Variants in SLMAP observed in about 807,000 individuals in gnomAD.
The protein encoded by SLMAP is sarcolemma associated protein.
Under a neutral mutation model 128.8 loss-of-function variants are expected in SLMAP, and 44 were observed. The ratio of observed to expected loss-of-function variants is 0.34; its 90% CI spans 0.27 to 0.44. The LOEUF is 0.44. SLMAP is among the 20% of genes least tolerant of loss of function. SLMAP has a pLI of 1.00. For missense variants in SLMAP, 787 were observed against 985.3 expected (o/e 0.80, Z 2.69); for synonymous variants, 327 against 348.8 (o/e 0.94, Z 0.70).
intron 6 of SLMAP, among the ~76,000 whole-genome samples, chr3:57,851,094 T>C (rs1273308724): frequency 6.6e-6 from 1 of 152,258 alleles, no homozygotes; most frequent in Non-Finnish European, 1.5e-5. Context: ...GTGCATATTT[T>C]ATTCCTATTT....
At chr3:57,786,502 T>C (rs1245835328) in intron 2 of SLMAP, among the ~76,000 whole-genome samples, 3 of 152,058 alleles carry the variant, frequency 2.0e-5, no homozygotes, top group Non-Finnish European at 4.4e-5. Flanking sequence ...CAGTAATACA[T>C]TCTACTACAC....
rs577445908 is a variant in SLMAP, at chr3:57,780,799, A to G, written c.198+22950A>G. Among the ~76,000 whole-genome samples the G allele has an allele frequency of 5.2e-4, 79 of 151,568 alleles. 1 individual carries two copies. The highest frequency in any genetic ancestry group is 1.1e-3 in the Non-Finnish European group (73 of 67,910). ...GCTGGGACTGTAGGCACGCACCACCATGCTTGGCTAATTTTTAATTTTTTT... is the reference window on the plus strand; with the variant it reads ...GCTGGGACTGTAGGCACGCACCACCGTGCTTGGCTAATTTTTAATTTTTTT... On this transcript the variant is annotated intron_variant, in intron 2 of 24. Transcript: ENST00000671191.
intron 2 of SLMAP, among the ~76,000 whole-genome samples, chr3:57,819,490 C>G (rs957007384): frequency 6.6e-6 from 1 of 152,078 alleles, no homozygotes; most frequent in Admixed American, 6.5e-5. Context: ...TTTTCCCCCC[C>G]ACAAATAAGA....
chr3:57,757,922 T>C lies in SLMAP; in HGVS notation c.198+73T>C, dbSNP rs913564109. The C allele has an allele frequency of 6.1e-6, 8 of 1,311,620 alleles. No individual in the cohort carries two copies. The African/African-American group carries it at 1.2e-4, about 19-fold the overall frequency. 81.2% of individuals were successfully genotyped at this position (1,311,620 alleles called of 1,614,324 possible). On this transcript the variant is annotated intron_variant, in intron 2 of 24. Coordinates refer to ENST00000671191, the MANE Select transcript of SLMAP (RefSeq NM_001377540.1). ...CCCCTTTTGCCCTCCCTGAGAGGAC[T>C]AATGTATGCAGGATCCCAGGGTTTG... is the stretch of plus-strand genomic sequence containing the variant.
chr3:57,785,027 T>A (rs940890619), intron 2 of SLMAP, among the ~76,000 whole-genome samples: 4 of 151,606 alleles, frequency 2.6e-5, no homozygotes, highest in Non-Finnish European at 2.9e-5. Context: ...TAGATAGATT[T>A]TATATATATA....
chr3:57,777,002 A>G (rs1276719890), intron 2 of SLMAP, among the ~76,000 whole-genome samples: 2 of 151,300 alleles, frequency 1.3e-5, no homozygotes, highest in African/African-American at 4.9e-5. Flanking sequence ...GTATAGGTAT[A>G]GTGCCTGTCA....
At chr3:57,788,829 C>T (rs575649028) in intron 2 of SLMAP, among the ~76,000 whole-genome samples, 4 of 152,146 alleles carry the variant, frequency 2.6e-5, no homozygotes, top group South Asian at 4.1e-4. Flanking sequence ...TGTGGAAGCT[C>T]GCCGGCAGTT....
chr3:57,797,056 C>T (rs1002693637), intron 2 of SLMAP, among the ~76,000 whole-genome samples: 2 of 151,558 alleles, frequency 1.3e-5, no homozygotes, highest in Admixed American at 1.3e-4. Flanking sequence ...GTGGCATGTG[C>T]CTATAGTCCC....
chr3:57,858,191 A>G, intron 8 of SLMAP, 32 bp downstream of exon 8: 2 of 1,227,806 alleles, frequency 1.6e-6, no homozygotes, highest in Non-Finnish European at 2.4e-6. Flanking sequence ...GTAAAATGAA[A>G]TGCATAGTTT....
At chr3:57,796,141 C>T (rs2086682586) in intron 2 of SLMAP, among the ~76,000 whole-genome samples, 1 of 152,106 alleles carries the variant, frequency 6.6e-6, no homozygotes, top group South Asian at 2.1e-4. Context: ...ACTTGGCTCT[C>T]CCTTCTATAT....
At chr3:57,822,841 G>C (rs2092629128) in intron 2 of SLMAP, among the ~76,000 whole-genome samples, 1 of 152,164 alleles carries the variant, frequency 6.6e-6, no homozygotes, top group African/African-American at 2.4e-5. Flanking sequence ...TTTCTTATTG[G>C]ATCCAGGCAC....
intron 2 of SLMAP, among the ~76,000 whole-genome samples, chr3:57,812,407 T>C (rs2091146064): frequency 6.6e-6 from 1 of 152,230 alleles, no homozygotes; most frequent in African/African-American, 2.4e-5. Context: ...TTCTGGACTG[T>C]CTATTCTATT....
intron 2 of SLMAP, among the ~76,000 whole-genome samples, chr3:57,810,450 G>A (rs1670043): frequency 0.16 from 23,995 of 152,104 alleles, 2,435 homozygotes; most frequent in East Asian, 0.43. Flanking sequence ...CCAGAAAAGC[G>A]ACACCCCAAG....
At chr3:57,853,467 A>G (rs147651938) in intron 6 of SLMAP, among the ~76,000 whole-genome samples, 15 of 152,306 alleles carry the variant, frequency 9.8e-5, no homozygotes, top group African/African-American at 2.6e-4. Context: ...CGTTAGGGTC[A>G]TAAGTGTTCC....
intron 4 of SLMAP, among the ~76,000 whole-genome samples, chr3:57,841,763 A>G (rs1175156566): frequency 1.3e-5 from 2 of 152,152 alleles, no homozygotes; most frequent in Admixed American, 6.5e-5. Flanking sequence ...CAGTGTCACA[A>G]TCTTATAAGA....
intron 14 of SLMAP, among the ~76,000 whole-genome samples, chr3:57,875,311 C>A (rs980128660): frequency 1.3e-5 from 2 of 152,038 alleles, no homozygotes; most frequent in African/African-American, 2.4e-5. Context: ...ATTGCTTGAG[C>A]CAGGAATTTA....
At chr3:57,921,015 TAAA>T (rs762993510) in intron 22 of SLMAP, among the ~76,000 whole-genome samples, 1 of 140,650 alleles carries the variant, frequency 7.1e-6, no homozygotes, top group Non-Finnish European at 1.6e-5. Context: ...AGACTCAGTC[TAAA>T]AAAAAAAAAG....
At chr3:57,915,301 T>C (rs1327552364) in intron 21 of SLMAP, among the ~76,000 whole-genome samples, 1 of 152,182 alleles carries the variant, frequency 6.6e-6, no homozygotes, top group Non-Finnish European at 1.5e-5. Context: ...GCCTACAAAC[T>C]CCTAGTGAGT....
At chr3:57,860,305 C>G (rs1477123282) in intron 8 of SLMAP, among the ~76,000 whole-genome samples, 1 of 152,160 alleles carries the variant, frequency 6.6e-6, no homozygotes, top group African/African-American at 2.4e-5. Flanking sequence ...TGCTTTTCCC[C>G]CATGGTACTC....
Sources: allele counts gnomAD v4.1 joint callset (sites outside exome capture counted in the v4.1 genomes callset), GRCh38; gene constraint gnomAD v4.1.1; transcripts MANE v1.5; gene names NCBI Gene and HGNC (gene_info 2026-07-23, HGNC 2026-07-21).